RBFOX1: variants seen among roughly 807,000 people sequenced by gnomAD.
RBFOX1 encodes RNA binding fox-1 homolog 1.
In RBFOX1, 8 loss-of-function variants were observed where a neutral mutation model predicts 57.7. The ratio of observed to expected loss-of-function variants is 0.14; its 90% confidence interval spans 0.08 to 0.25. RBFOX1 has a LOEUF of 0.25. Ranked by LOEUF, RBFOX1 falls within the 10% of genes least tolerant of loss-of-function variation. The pLI is 1.00. For synonymous variants in RBFOX1, 326 were observed against 222.4 expected (o/e 1.47, Z -4.15); for missense variants, 611 against 548.5 (o/e 1.11, Z -1.14).
intron 3 of RBFOX1, among the ~76,000 whole-genome samples, chr16:6,976,216 A>G (rs1380952207): frequency 6.6e-6 from 1 of 152,280 alleles, no homozygotes; most frequent in East Asian, 1.9e-4. Context: ...TTATATGAGC[A>G]TTCTAATTAT....
intron 3 of RBFOX1, among the ~76,000 whole-genome samples, chr16:6,884,781 C>T (rs1253881496): frequency 1.3e-5 from 2 of 152,044 alleles, no homozygotes; most frequent in Non-Finnish European, 2.9e-5. Flanking sequence ...ACCTGCAGTC[C>T]CAGCTACTTG....
At chr16:6,825,425 G>T (rs1358968500) in intron 3 of RBFOX1, among the ~76,000 whole-genome samples, 1 of 152,094 alleles carries the variant, frequency 6.6e-6, no homozygotes, top group African/African-American at 2.4e-5. Flanking sequence ...CAGCAAGGCA[G>T]GGATGATTTG....
At chr16:6,520,031 G>A (rs957003726) in intron 2 of RBFOX1, among the ~76,000 whole-genome samples, 1 of 152,128 alleles carries the variant, frequency 6.6e-6, no homozygotes, top group African/African-American at 2.4e-5. Context: ...GAGAACTCAT[G>A]GGCATGTTTC....
intron 1 of RBFOX1, among the ~76,000 whole-genome samples, chr16:6,239,365 C>T (rs769985389): frequency 6.6e-6 from 1 of 151,788 alleles, no homozygotes; most frequent in African/African-American, 2.4e-5. Context: ...AGTATATGGT[C>T]AGTAAATGCT....
intron 3 of RBFOX1, among the ~76,000 whole-genome samples, chr16:6,800,386 C>T (rs2085117542): frequency 6.6e-6 from 1 of 152,092 alleles, no homozygotes; most frequent in Non-Finnish European, 1.5e-5. Context: ...TGGTTTCCTA[C>T]TCTAGGATAG....
intron 2 of RBFOX1, among the ~76,000 whole-genome samples, chr16:5,598,623 T>G (rs62016890): frequency 0.068 from 10,422 of 152,298 alleles, 501 homozygotes; most frequent in Middle Eastern, 0.12. Context: ...TATATTCATT[T>G]TCTTCATCAT....
chr16:5,726,677 CTGT>C (rs1250126272), intron 3 of RBFOX1, among the ~76,000 whole-genome samples: 1 of 152,202 alleles, frequency 6.6e-6, no homozygotes, highest in African/African-American at 2.4e-5. Flanking sequence ...CTTAACTCTA[CTGT>C]ATTATTTGCA....
At chr16:7,530,222 G>A (rs1246741670) in intron 5 of RBFOX1, among the ~76,000 whole-genome samples, 2 of 152,112 alleles carry the variant, frequency 1.3e-5, no homozygotes, top group South Asian at 2.1e-4. Context: ...CACACAGTGA[G>A]TATCACAGCA....
intron 3 of RBFOX1, among the ~76,000 whole-genome samples, chr16:6,693,283 C>T (rs902310310): frequency 6.6e-6 from 1 of 151,632 alleles, no homozygotes; most frequent in African/African-American, 2.4e-5. Flanking sequence ...TCACCACCGT[C>T]ATTAGCAACA....
At chr16:7,256,320 G>T (rs1338298726) in intron 4 of RBFOX1, among the ~76,000 whole-genome samples, 1 of 152,134 alleles carries the variant, frequency 6.6e-6, no homozygotes, top group Admixed American at 6.5e-5. Flanking sequence ...TCAGCGAGCA[G>T]ATCTCTGATG....
At chr16:7,417,747 A>G (rs1485309533) in intron 4 of RBFOX1, among the ~76,000 whole-genome samples, 1 of 152,162 alleles carries the variant, frequency 6.6e-6, no homozygotes, top group Non-Finnish European at 1.5e-5. Flanking sequence ...CATTTCAAGA[A>G]TGCTATATAA....
At chr16:7,305,530 G>A (rs2096159706) in intron 4 of RBFOX1, among the ~76,000 whole-genome samples, 1 of 152,062 alleles carries the variant, frequency 6.6e-6, no homozygotes, top group Admixed American at 6.6e-5. Flanking sequence ...GTTTTTCCAC[G>A]GACTCACTTC....
At chr16:7,420,938 T>C (rs7500003) in intron 4 of RBFOX1, among the ~76,000 whole-genome samples, 78,032 of 139,652 alleles carry the variant, frequency 0.56, 22,745 homozygotes, top group South Asian at 0.71. Context: ...CATATATATA[T>C]ACACACACAC....
At chr16:6,825,091 G>A (rs535847106) in intron 3 of RBFOX1, among the ~76,000 whole-genome samples, 12 of 137,616 alleles carry the variant, frequency 8.7e-5, no homozygotes, top group Admixed American at 1.7e-4. Context: ...CTGTCACCCT[G>A]GTTCAAACAA....
At chr16:6,645,063 A>G (rs1033613929) in intron 2 of RBFOX1, among the ~76,000 whole-genome samples, 2 of 152,168 alleles carry the variant, frequency 1.3e-5, no homozygotes, top group African/African-American at 4.8e-5. Context: ...GTTCTGGGGA[A>G]GATTCATCTT....
intron 11 of RBFOX1, among the ~76,000 whole-genome samples, chr16:7,635,166 C>T (rs1448947412): frequency 6.6e-6 from 1 of 152,132 alleles, no homozygotes; most frequent in African/African-American, 2.4e-5. Flanking sequence ...AAGAACATAC[C>T]ACATCTCTTC....
At chr16:6,942,543 C>T (rs753908025) in intron 3 of RBFOX1, among the ~76,000 whole-genome samples, 19 of 152,016 alleles carry the variant, frequency 1.2e-4, no homozygotes, top group Non-Finnish European at 1.3e-4. Context: ...GAGCATTTTC[C>T]TGTGGAAGCA....
intron 1 of RBFOX1, among the ~76,000 whole-genome samples, chr16:6,296,852 C>T (rs184777561): frequency 2.0e-5 from 3 of 152,112 alleles, no homozygotes; most frequent in African/African-American, 7.2e-5. Context: ...AGAGAGGGTT[C>T]TTGGATCTTG....
At chr16:7,350,824 T>C (rs2145932443) in intron 4 of RBFOX1, among the ~76,000 whole-genome samples, 1 of 152,108 alleles carries the variant, frequency 6.6e-6, no homozygotes, top group African/African-American at 2.4e-5. Flanking sequence ...AGTATAGAAA[T>C]GTATCTGTGT....
Sources: allele counts gnomAD v4.1 joint callset (sites outside exome capture counted in the v4.1 genomes callset), GRCh38; gene constraint gnomAD v4.1.1; transcripts MANE v1.5; gene names NCBI Gene and HGNC (gene_info 2026-07-23, HGNC 2026-07-21).